Variants in LOC128125817 observed in about 807,000 individuals in gnomAD.
chr1:41,601,643 A>C, the LOC128125817 span, among the ~76,000 whole-genome samples: 251 of 152,208 alleles, frequency 1.6e-3, no homozygotes, highest in African/African-American at 5.5e-3. Flanking sequence ...AATACTTTTT[A>C]ATGGCATCTT....
chr1:41,606,508 T>A, the LOC128125817 span, among the ~76,000 whole-genome samples: 55 of 152,104 alleles, frequency 3.6e-4, 1 homozygote, highest in African/African-American at 1.3e-3. Context: ...GCGAAGCCAC[T>A]CAGTATGAAT....
chr1:41,622,749 C>T, the LOC128125817 span, among the ~76,000 whole-genome samples: 4 of 152,182 alleles, frequency 2.6e-5, no homozygotes, highest in Non-Finnish European at 4.4e-5. Flanking sequence ...ACTCTCGGAT[C>T]ATGCTGGGAT....
chr1:41,617,355 T>G, the LOC128125817 span, among the ~76,000 whole-genome samples: 1 of 152,226 alleles, frequency 6.6e-6, no homozygotes. Context: ...ATCGTCCTAA[T>G]AATGAGCCAT....
the LOC128125817 span, among the ~76,000 whole-genome samples, chr1:41,603,473 C>T: frequency 6.6e-6 from 1 of 152,140 alleles, no homozygotes; most frequent in African/African-American, 2.4e-5. Flanking sequence ...GATTCTCCTG[C>T]CTCAGCCTCC....
At chr1:41,624,090 G>A in the LOC128125817 span, among the ~76,000 whole-genome samples, 1 of 152,168 alleles carries the variant, frequency 6.6e-6, no homozygotes, top group African/African-American at 2.4e-5. Flanking sequence ...TGGCCTCCCT[G>A]GGTTGCGAAG....
chr1:41,608,099 T>C, the LOC128125817 span, among the ~76,000 whole-genome samples: 1 of 152,182 alleles, frequency 6.6e-6, no homozygotes, highest in African/African-American at 2.4e-5. Context: ...AAAAAAGATA[T>C]AAGTGGAATA....
chr1:41,628,766 C>T, the LOC128125817 span: 2 of 1,232,108 alleles, frequency 1.6e-6, no homozygotes, highest in Admixed American at 8.4e-5. Context: ...GAAGGCACCA[C>T]TTCCGATGAC....
chr1:41,610,966 G>A, the LOC128125817 span, among the ~76,000 whole-genome samples: 10 of 152,166 alleles, frequency 6.6e-5, no homozygotes, highest in Admixed American at 3.3e-4. Context: ...TCGTGGGGCT[G>A]CATTTCCAAA....
chr1:41,610,500 G>A, the LOC128125817 span, among the ~76,000 whole-genome samples: 1 of 152,300 alleles, frequency 6.6e-6, no homozygotes, highest in South Asian at 2.1e-4. Flanking sequence ...TGGTGGGAGG[G>A]GCATTCCCAT....
the LOC128125817 span, among the ~76,000 whole-genome samples, chr1:41,607,435 T>C: frequency 4.6e-5 from 7 of 152,238 alleles, no homozygotes; most frequent in Non-Finnish European, 1.0e-4. Flanking sequence ...TTTCCTCCAA[T>C]TGTGCTATCT....
chr1:41,627,387 G>A, the LOC128125817 span, among the ~76,000 whole-genome samples: 1 of 152,132 alleles, frequency 6.6e-6, no homozygotes, highest in Non-Finnish European at 1.5e-5. Context: ...TTGAACTCAG[G>A]GTGGGTCTAC....
At chr1:41,608,594 C>T in the LOC128125817 span, among the ~76,000 whole-genome samples, 2 of 152,210 alleles carry the variant, frequency 1.3e-5, no homozygotes, top group African/African-American at 4.8e-5. Flanking sequence ...TTGAACTATG[C>T]TTGGCTCTTC....
At chr1:41,589,057 G>T in the LOC128125817 span, among the ~76,000 whole-genome samples, 1 of 152,186 alleles carries the variant, frequency 6.6e-6, no homozygotes, top group Non-Finnish European at 1.5e-5. Context: ...CTAAGAAAAT[G>T]GTTCTTTTCT....
At chr1:41,612,841 A>G in the LOC128125817 span, among the ~76,000 whole-genome samples, 13,780 of 152,216 alleles carry the variant, frequency 0.091, 677 homozygotes, top group Middle Eastern at 0.18. Context: ...TCATCTTTGC[A>G]TGGAAGAGAT....
chr1:41,615,438 G>A, the LOC128125817 span, among the ~76,000 whole-genome samples: 1 of 152,246 alleles, frequency 6.6e-6, no homozygotes, highest in Admixed American at 6.5e-5. Flanking sequence ...GAGCTAGAGG[G>A]CACTTAAGTG....
the LOC128125817 span, among the ~76,000 whole-genome samples, chr1:41,624,474 T>C: frequency 6.6e-6 from 1 of 152,190 alleles, no homozygotes; most frequent in Non-Finnish European, 1.5e-5. Flanking sequence ...GATGAAGGTC[T>C]GGGTAGATCT....
chr1:41,625,619 T>C, the LOC128125817 span, among the ~76,000 whole-genome samples: 55 of 152,294 alleles, frequency 3.6e-4, 1 homozygote, highest in African/African-American at 1.3e-3. Context: ...CCTGTACTCC[T>C]AGCTACTCAG....
At chr1:41,628,484 A>C in the LOC128125817 span, among the ~76,000 whole-genome samples, 3 of 152,152 alleles carry the variant, frequency 2.0e-5, no homozygotes, top group African/African-American at 7.2e-5. Context: ...ACAGAATGGA[A>C]ACTGAGGTAC....
the LOC128125817 span, among the ~76,000 whole-genome samples, chr1:41,600,926 T>C: frequency 6.6e-6 from 1 of 152,190 alleles, no homozygotes; most frequent in Non-Finnish European, 1.5e-5. Flanking sequence ...TTTTTATGTA[T>C]GGTTAATTTT....
Sources: gnomAD v4.1 joint callset for allele counts (sites outside exome capture counted in the v4.1 genomes callset) on GRCh38, gnomAD v4.1.1 for gene constraint, MANE v1.5 for transcripts.